Variants in TFPI observed in about 807,000 individuals in gnomAD.
TFPI encodes the protein anti-convertin.
TFPI carries 15 observed loss-of-function variants against 34.6 expected under a neutral mutation model. The ratio of observed to expected loss-of-function variants is 0.43; its 90% CI spans 0.29 to 0.67. The LOEUF is 0.67. Ranked by LOEUF, TFPI falls within the 30% of genes least tolerant of loss-of-function variation. The pLI is 0.15. For missense variants in TFPI, 301 were observed against 364.0 expected (o/e 0.83, Z 1.41); for synonymous variants, 105 against 120.1 (o/e 0.87, Z 0.82).
intron 1 of TFPI, among the ~76,000 whole-genome samples, chr2:187,543,229 AC>A (rs912142710): frequency 4.0e-4 from 61 of 152,340 alleles, no homozygotes; most frequent in African/African-American, 1.4e-3. Flanking sequence ...TATTTATTTT[AC>A]TAGAGAAAAT....
intron 1 of TFPI, among the ~76,000 whole-genome samples, chr2:187,543,952 G>C (rs578130297): frequency 6.6e-6 from 1 of 152,296 alleles, no homozygotes; most frequent in East Asian, 1.9e-4. Flanking sequence ...TTTATCTGCT[G>C]TGTATGATGG....
chr2:187,531,323 T>G (rs1282579679), intron 1 of TFPI, among the ~76,000 whole-genome samples: 2 of 152,202 alleles, frequency 1.3e-5, no homozygotes, highest in Non-Finnish European at 2.9e-5. Context: ...TTCCAAATTG[T>G]GCTTTCAAGG....
At chr2:187,505,061 T>A (rs987150596) in intron 1 of TFPI, among the ~76,000 whole-genome samples, 2 of 151,808 alleles carry the variant, frequency 1.3e-5, no homozygotes, top group African/African-American at 4.8e-5. Flanking sequence ...ATATATATAT[T>A]TATATAGATA....
At chr2:187,516,563 A>T (rs573960856) in intron 1 of TFPI, 2 of 152,210 alleles carry the variant, frequency 1.3e-5, no homozygotes, top group Non-Finnish European at 2.9e-5. Flanking sequence ...ATGGGTAGTG[A>T]GGATGAAAGT....
At chr2:187,510,072 G>A (rs774344248) in intron 1 of TFPI, among the ~76,000 whole-genome samples, 20 of 152,058 alleles carry the variant, frequency 1.3e-4, no homozygotes, top group Non-Finnish European at 2.2e-4. Context: ...GTTCAGTGTC[G>A]ATTTGTACAG....
chr2:187,473,726 A>C (rs192881855), intron 6 of TFPI, among the ~76,000 whole-genome samples: 1 of 151,684 alleles, frequency 6.6e-6, no homozygotes, highest in Admixed American at 6.6e-5. Flanking sequence ...GAGAAGTGGT[A>C]TTAAATTGGT....
chr2:187,491,666 AAGTAC>A (rs1247439086), intron 3 of TFPI, among the ~76,000 whole-genome samples: 1 of 152,066 alleles, frequency 6.6e-6, no homozygotes, highest in Admixed American at 6.5e-5. Context: ...CTAAACATAC[AAGTAC>A]AGTTATCTTT....
chr2:187,475,752 C>T (rs909609774), intron 6 of TFPI, among the ~76,000 whole-genome samples: 12 of 152,090 alleles, frequency 7.9e-5, no homozygotes, highest in Non-Finnish European at 7.4e-5. Context: ...TGCTCTCAAC[C>T]ACTAAGATAT....
intron 1 of TFPI, among the ~76,000 whole-genome samples, chr2:187,512,034 C>CCTATAACACTCCAATAACA (rs2106163273): frequency 6.6e-6 from 1 of 151,874 alleles, no homozygotes; most frequent in South Asian, 2.1e-4. Flanking sequence ...TATCCATAAC[C>CCTATAACACTCCAATAACA]CTATAACACT....
intron 1 of TFPI, among the ~76,000 whole-genome samples, chr2:187,533,515 A>G (rs1460405322): frequency 6.6e-6 from 1 of 152,258 alleles, no homozygotes; most frequent in African/African-American, 2.4e-5. Context: ...AAGGAATAGT[A>G]TTAACATCAA....
chr2:187,528,854 G>A (rs1384267008), intron 1 of TFPI, among the ~76,000 whole-genome samples: 3 of 139,178 alleles, frequency 2.2e-5, no homozygotes, highest in Non-Finnish European at 3.0e-5. Context: ...TTAAGATAGT[G>A]TTGGTAAAAA....
At chr2:187,489,289 A>C (rs1176763112) in intron 3 of TFPI, among the ~76,000 whole-genome samples, 2 of 151,388 alleles carry the variant, frequency 1.3e-5, no homozygotes, top group Non-Finnish European at 3.0e-5. Context: ...TAATTCTTCT[A>C]TGGAGAGTAA....
intron 3 of TFPI, among the ~76,000 whole-genome samples, chr2:187,495,554 G>T (rs957798236): frequency 2.0e-5 from 3 of 152,170 alleles, no homozygotes; most frequent in Non-Finnish European, 2.9e-5. Flanking sequence ...TGAGGTTAAA[G>T]AAATATATTC....
chr2:187,541,658 T>G (rs1172653675), intron 1 of TFPI, among the ~76,000 whole-genome samples: 1 of 152,184 alleles, frequency 6.6e-6, no homozygotes, highest in Non-Finnish European at 1.5e-5. Flanking sequence ...ATATATAGTA[T>G]TTGATGTGAA....
intron 1 of TFPI, among the ~76,000 whole-genome samples, chr2:187,524,527 C>A (rs1197886566): frequency 2.0e-5 from 3 of 151,994 alleles, no homozygotes; most frequent in Admixed American, 2.0e-4. Flanking sequence ...ATACCCCAAA[C>A]AATGACTGAT....
chr2:187,467,768 T>G lies in TFPI; in HGVS notation c.793A>C (p.Arg265=). The change falls in exon 7 of 8, where the codon AGG becomes CGG. Residue 265 remains arginine, a synonymous_variant. Coordinates refer to ENST00000233156, the MANE Select transcript of TFPI (RefSeq NM_006287.6). ...NNFTSKQECL[R]ACKKGFIQRI... ...TCTTCTATACCTTTTTTACATGCCC[T>G]CAGACATTCTTGTTTGGAAGTAAAA... 1.2e-6 allele frequency: 2 copies of G among 1,608,952 alleles called. No individual in the cohort carries two copies. The highest frequency in any genetic ancestry group is 1.7e-6 in the Non-Finnish European group (2 of 1,177,548).
intron 1 of TFPI, among the ~76,000 whole-genome samples, chr2:187,526,490 A>G (rs1336282531): frequency 6.6e-6 from 1 of 152,196 alleles, no homozygotes; most frequent in Non-Finnish European, 1.5e-5. Flanking sequence ...AAGCTCACAT[A>G]GAATTAAAGA....
Position 187,466,183 on chromosome 2 carries a change from C to T in TFPI, c.*753G>A, listed in dbSNP as rs925711332. 1.3e-5 allele frequency: 2 copies of T among 152,062 alleles called. No individual in the cohort carries two copies. Among genetic ancestry groups the T allele is most frequent in the East Asian group, 1.9e-4 (1 of 5,190 alleles). The allele number at this position is 152,062 out of a possible 1,614,324, so 9.4% of individuals were successfully genotyped here. Reference sequence around the variant, plus strand: ...GAAGTACATATAAATAATTCCCTCTCGATTGCCATAAAACTTCTTGTTTCC... The same window carrying T: ...GAAGTACATATAAATAATTCCCTCTTGATTGCCATAAAACTTCTTGTTTCC... On this transcript the variant is annotated 3_prime_UTR_variant, in exon 8 of 8. Transcript: ENST00000233156.
At chr2:187,535,142 G>T (rs1019910638) in intron 1 of TFPI, among the ~76,000 whole-genome samples, 3 of 152,122 alleles carry the variant, frequency 2.0e-5, no homozygotes, top group Non-Finnish European at 4.4e-5. Flanking sequence ...AATAGTGGGA[G>T]ACTTTAACAC....
Sources: allele counts gnomAD v4.1 joint callset (sites outside exome capture counted in the v4.1 genomes callset), GRCh38; gene constraint gnomAD v4.1.1; transcripts MANE v1.5; gene names NCBI Gene and HGNC (gene_info 2026-07-23, HGNC 2026-07-21).